Variants in FAM163A observed in about 807,000 individuals in gnomAD.
The protein encoded by FAM163A is family with sequence similarity 163 member A, also known as protein FAM163A.
Under a neutral mutation model 12.0 loss-of-function variants are expected in FAM163A, and 7 were observed. The ratio of observed to expected loss-of-function variants is 0.58; its 90% CI spans 0.33 to 1.10. The LOEUF (loss-of-function observed/expected upper bound fraction) is 1.10, where lower values mean the gene tolerates loss of function less well. Ranked by LOEUF, FAM163A falls within the 50% of genes least tolerant of loss-of-function variation. The pLI is 0.03. For missense variants in FAM163A, 202 were observed against 218.6 expected (o/e 0.92, Z 0.48); for synonymous variants, 101 against 91.0 (o/e 1.11, Z -0.62).
chr1:179,793,960 G>A (rs1401827031), intron 1 of FAM163A, among the ~76,000 whole-genome samples: 1 of 152,200 alleles, frequency 6.6e-6, no homozygotes, highest in African/African-American at 2.4e-5. Context: ...ATCTGTGAGT[G>A]AAGAGGGCCT....
chr1:179,784,140 A>G (rs1450634044), intron 1 of FAM163A, among the ~76,000 whole-genome samples: 1 of 152,078 alleles, frequency 6.6e-6, no homozygotes, highest in Non-Finnish European at 1.5e-5. Context: ...CTAGGGTGCA[A>G]TTCAGGGTTG....
At chr1:179,732,153 G>A in the FAM163A span, among the ~76,000 whole-genome samples, 3 of 152,194 alleles carry the variant, frequency 2.0e-5, no homozygotes, top group Non-Finnish European at 4.4e-5. Context: ...TTCGACTTAA[G>A]GTTTTACAGC....
chr1:179,795,016 G>A (rs1455367820), intron 1 of FAM163A, among the ~76,000 whole-genome samples: 2 of 152,176 alleles, frequency 1.3e-5, no homozygotes, highest in African/African-American at 4.8e-5. Context: ...CCACCTGCCA[G>A]CAGCAACCCC....
At chr1:179,752,492 AAAT>A (rs932360673) in intron 1 of FAM163A, among the ~76,000 whole-genome samples, 2 of 151,480 alleles carry the variant, frequency 1.3e-5, no homozygotes, top group African/African-American at 4.9e-5. Context: ...AAAAAAAAAA[AAAT>A]CAATAGAGTG....
the FAM163A span, among the ~76,000 whole-genome samples, chr1:179,728,581 G>A: frequency 3.3e-5 from 5 of 152,150 alleles, no homozygotes; most frequent in Non-Finnish European, 7.3e-5. Context: ...CTCCAGATGG[G>A]TTTTCTGGCA....
intron 1 of FAM163A, among the ~76,000 whole-genome samples, chr1:179,751,947 T>A (rs915978908): frequency 6.6e-6 from 1 of 151,908 alleles, no homozygotes; most frequent in African/African-American, 2.4e-5. Context: ...TTCACAGAAA[T>A]AAAAAGCCCT....
At chr1:179,746,594 C>T (rs1271753049) in intron 1 of FAM163A, among the ~76,000 whole-genome samples, 1 of 152,160 alleles carries the variant, frequency 6.6e-6, no homozygotes, top group Non-Finnish European at 1.5e-5. Flanking sequence ...AGACACAAAA[C>T]CTAATCATAC....
chr1:179,791,168 G>C (rs775806787), intron 1 of FAM163A, among the ~76,000 whole-genome samples: 4 of 152,136 alleles, frequency 2.6e-5, no homozygotes, highest in African/African-American at 9.7e-5. Context: ...ACGTCCAAGA[G>C]AAAGGAAAGG....
At chr1:179,729,921 C>G in the FAM163A span, among the ~76,000 whole-genome samples, 1 of 152,198 alleles carries the variant, frequency 6.6e-6, no homozygotes, top group Admixed American at 6.5e-5. Flanking sequence ...CATATGCCTT[C>G]CTGCACTGCT....
At position 179,800,507 on chromosome 1, in the gene FAM163A, C is replaced by T. The variant is rs148886227; in HGVS notation, c.-135-7291C>T. ...TCTGGGGTGTCTGTGCACTCCAAGCCATGTTAGACCATGGTGGTCTGACAG... is the reference window on the plus strand; with the variant it reads ...TCTGGGGTGTCTGTGCACTCCAAGCTATGTTAGACCATGGTGGTCTGACAG... On this transcript the variant is annotated intron_variant, in intron 1 of 4. Coordinates refer to ENST00000341785, the MANE Select transcript of FAM163A (RefSeq NM_173509.3). Among the ~76,000 whole-genome samples, 37 of 152,372 alleles carry T rather than the reference C, an allele frequency of 2.4e-4. No individual in the cohort carries two copies. The East Asian group carries it at 6.9e-3, about 29-fold the overall frequency.
rs1353471754 is a variant in FAM163A, at chr1:179,815,103, GCGCGCGCACAGA to G, written c.*916_*927del. On this transcript the variant is annotated 3_prime_UTR_variant, in exon 5 of 5. Coordinates refer to ENST00000341785, the MANE Select transcript of FAM163A (RefSeq NM_173509.3). Reference sequence around the variant, plus strand: ...CGTTCCCAGGTGTACGCACGCGCGCGCGCGCGCACAGACACACACACACACACACACACACAC... The same window carrying G: ...CGTTCCCAGGTGTACGCACGCGCGCGCACACACACACACACACACACACAC... 5.2e-3 allele frequency: 607 copies of G among 117,506 alleles called. 1 individual carries two copies. Among genetic ancestry groups the G allele is most frequent in the Non-Finnish European group, 6.0e-3 (355 of 59,590 alleles). 7.3% of individuals were successfully genotyped at this position (117,506 alleles called of 1,614,324 possible). A position where few individuals can be genotyped will look rare whatever the true frequency, so the allele number is the denominator to read the frequency against.
chr1:179,760,289 G>C (rs1339620604), intron 1 of FAM163A, among the ~76,000 whole-genome samples: 2 of 152,170 alleles, frequency 1.3e-5, no homozygotes, highest in Non-Finnish European at 2.9e-5. Context: ...AGCATTTATT[G>C]AGTGCCCATT....
At chr1:179,783,765 A>C (rs1188899424) in intron 1 of FAM163A, among the ~76,000 whole-genome samples, 1 of 145,222 alleles carries the variant, frequency 6.9e-6, no homozygotes, top group Non-Finnish European at 1.5e-5. Context: ...ATATTATATA[A>C]TTTATTATAT....
intron 1 of FAM163A, among the ~76,000 whole-genome samples, chr1:179,745,198 C>G (rs998125044): frequency 6.6e-6 from 1 of 150,416 alleles, no homozygotes; most frequent in African/African-American, 2.4e-5. Context: ...GCTGGGGCAT[C>G]AGGCAGATCG....
At chr1:179,764,360 A>G (rs1213315586) in intron 1 of FAM163A, among the ~76,000 whole-genome samples, 1 of 152,162 alleles carries the variant, frequency 6.6e-6, no homozygotes, top group Non-Finnish European at 1.5e-5. Context: ...GAACAGAGAA[A>G]CTGAGCCATG....
chr1:179,781,214 G>A (rs1689677451), intron 1 of FAM163A, among the ~76,000 whole-genome samples: 1 of 152,072 alleles, frequency 6.6e-6, no homozygotes. Flanking sequence ...AAATATTCTG[G>A]AATCTGATAG....
At chr1:179,790,716 GT>G (rs1356662187) in intron 1 of FAM163A, among the ~76,000 whole-genome samples, 1 of 152,176 alleles carries the variant, frequency 6.6e-6, no homozygotes. Context: ...TGAAGACACA[GT>G]TGAAGATACT....
upstream of FAM163A, among the ~76,000 whole-genome samples, chr1:179,740,156 G>C (rs964523592): frequency 1.4e-5 from 2 of 145,404 alleles, no homozygotes; most frequent in Non-Finnish European, 3.0e-5. Flanking sequence ...AATGTTTGTG[G>C]CAACTTTATT....
At chr1:179,792,293 G>A (rs1018701006) in intron 1 of FAM163A, among the ~76,000 whole-genome samples, 1 of 150,286 alleles carries the variant, frequency 6.7e-6, no homozygotes, top group African/African-American at 2.5e-5. Flanking sequence ...TTGTGTGTGT[G>A]TGTGTGTGTG....
Sources: gnomAD v4.1 joint callset for allele counts (sites outside exome capture counted in the v4.1 genomes callset) on GRCh38, gnomAD v4.1.1 for gene constraint, MANE v1.5 for transcripts, NCBI Gene and HGNC (gene_info 2026-07-23, HGNC 2026-07-21) for gene names.